PLXNA4: variants seen among roughly 807,000 people sequenced by gnomAD.
The protein encoded by PLXNA4 is plexin A4.
In PLXNA4, 44 loss-of-function variants were observed where a neutral mutation model predicts 191.8. That is an observed-to-expected ratio of 0.23 (90% CI 0.18 to 0.29). PLXNA4 has a LOEUF of 0.29. PLXNA4 is among the 10% of genes least tolerant of loss of function. The pLI is 1.00. For synonymous variants in PLXNA4, 1,082 were observed against 1,009.5 expected, an observed-to-expected ratio of 1.07 and a Z score of -1.36; for missense variants, 1,800 against 2,488.8, an observed-to-expected ratio of 0.72 and a Z score of 5.89.
chr7:132,180,052 G>C, intron 19 of PLXNA4, 131 bp from the exon 20 acceptor site: 1 of 1,421,668 alleles, frequency 7.0e-7, no homozygotes, highest in East Asian at 2.5e-5. Flanking sequence ...TGTCAAAATA[G>C]ACAAGAGGGC....
chr7:132,211,261 G>T, intron 9 of PLXNA4, 118 bp from the exon 10 acceptor site: 1 of 1,066,636 alleles, frequency 9.4e-7, no homozygotes, highest in Non-Finnish European at 1.3e-6. Flanking sequence ...ACCCACAGGC[G>T]ACCCCTGAGG....
intron 20 of PLXNA4, among the ~76,000 whole-genome samples, chr7:132,176,395 C>T (rs1218753050): frequency 6.6e-6 from 1 of 152,162 alleles, no homozygotes; most frequent in Non-Finnish European, 1.5e-5. Context: ...ACCAAAAGCC[C>T]TGGGGAACAT....
At chr7:132,200,807 T>A (rs1797409560) in intron 12 of PLXNA4, among the ~76,000 whole-genome samples, 1 of 152,218 alleles carries the variant, frequency 6.6e-6, no homozygotes, top group Non-Finnish European at 1.5e-5. Context: ...AGGAGAACAT[T>A]ACTCAGGAGA....
chr7:132,365,368 C>T (rs909747783), intron 3 of PLXNA4, among the ~76,000 whole-genome samples: 4 of 130,952 alleles, frequency 3.1e-5, no homozygotes, highest in South Asian at 2.5e-4. Flanking sequence ...TGTGCGTGCG[C>T]GCGCATGCAT....
intron 1 of PLXNA4, among the ~76,000 whole-genome samples, chr7:132,574,241 TG>T (rs1163673034): frequency 6.6e-6 from 1 of 151,678 alleles, no homozygotes; most frequent in Admixed American, 6.6e-5. Flanking sequence ...GAGAAAGGAG[TG>T]GAGGTCTACA....
chr7:132,224,782 C>T (rs945762344), intron 8 of PLXNA4, among the ~76,000 whole-genome samples: 17 of 152,104 alleles, frequency 1.1e-4, no homozygotes, highest in South Asian at 6.2e-4. Context: ...CTGGGAGGGC[C>T]GGATGCCTTC....
Position 132,508,872 on chromosome 7 carries a change from A to T in PLXNA4, c.-86-93T>A. The stretch of plus-strand genomic sequence containing the variant: ...TGCCTGGACTTTCAAAATGTTCTGC[A>T]CACACTGAGCAGAACTGCACTGGGG... On this transcript the variant is annotated intron_variant, in intron 1 of 31. Coordinates refer to ENST00000321063, the MANE Select transcript of PLXNA4 (RefSeq NM_020911.2). The surrounding 1 kb of genome is among the most constrained non-coding windows in gnomAD (Gnocchi z 4.4). 4.0e-6 allele frequency: 5 copies of T among 1,248,988 alleles called. No individual in the cohort carries two copies. Among genetic ancestry groups the T allele is most frequent in the Non-Finnish European group, 5.4e-6 (5 of 932,994 alleles). 77.4% of individuals were successfully genotyped at this position (1,248,988 alleles called of 1,614,324 possible).
chr7:132,370,537 T>A (rs1395777897), intron 3 of PLXNA4, among the ~76,000 whole-genome samples: 1 of 152,200 alleles, frequency 6.6e-6, no homozygotes, highest in Admixed American at 6.5e-5. Context: ...TACATAAAAA[T>A]ATCCTTTATC....
intron 2 of PLXNA4, among the ~76,000 whole-genome samples, chr7:132,589,833 A>C (rs1802572976): frequency 6.6e-6 from 1 of 152,208 alleles, no homozygotes; most frequent in African/African-American, 2.4e-5. Context: ...TGCTAGGAAC[A>C]ACTTCCTTGA....
chr7:132,149,573 A>G (rs957139263), intron 25 of PLXNA4, among the ~76,000 whole-genome samples: 1 of 152,220 alleles, frequency 6.6e-6, no homozygotes, highest in African/African-American at 2.4e-5. Flanking sequence ...GACATATACC[A>G]GAAAGGAAAA....
intron 3 of PLXNA4, among the ~76,000 whole-genome samples, chr7:132,425,863 C>T (rs1435350781): frequency 6.6e-6 from 1 of 152,184 alleles, no homozygotes; most frequent in African/African-American, 2.4e-5. Flanking sequence ...GAACATGGTG[C>T]CTCCCTCAGA....
chr7:132,279,001 C>A (rs1250744736), intron 4 of PLXNA4, among the ~76,000 whole-genome samples: 1 of 152,196 alleles, frequency 6.6e-6, no homozygotes, highest in Non-Finnish European at 1.5e-5. Context: ...GTGTCTCTTG[C>A]AAACTGCAGG....
chr7:132,203,575 TATGCAC>T (rs1296500894), intron 10 of PLXNA4, among the ~76,000 whole-genome samples, 156 bp from the exon 11 acceptor site: 1 of 152,196 alleles, frequency 6.6e-6, no homozygotes, highest in Non-Finnish European at 1.5e-5. Flanking sequence ...TGCATACAAG[TATGCAC>T]ATGCACATGT....
chr7:132,582,103 G>C (rs1802412249), upstream of PLXNA4, among the ~76,000 whole-genome samples: 1 of 152,084 alleles, frequency 6.6e-6, no homozygotes, highest in Admixed American at 6.5e-5. Flanking sequence ...GTCCTGGGAG[G>C]CACAAGGTCC....
At position 132,576,300 on chromosome 7, in the gene PLXNA4, C is replaced by T. The variant is rs1300653792; in HGVS notation, c.-87+122G>A. On this transcript the variant is annotated intron_variant, in intron 1 of 31. Coordinates refer to ENST00000321063, the MANE Select transcript of PLXNA4 (RefSeq NM_020911.2). The surrounding 1 kb of genome is among the most constrained non-coding windows in gnomAD (Gnocchi z 5.8). ...ATCTGTGTGTGTGCCTGCGTGTGTG[C>T]GTGTGCGTGTGCCGCGGGCTGGCTC... is the stretch of plus-strand genomic sequence containing the variant. The T allele has an allele frequency of 1.0e-5, 7 of 687,594 alleles. No homozygotes were observed. Among genetic ancestry groups the T allele is most frequent in the East Asian group, 1.4e-4 (1 of 7,306 alleles). 42.6% of individuals were successfully genotyped at this position (687,594 alleles called of 1,614,324 possible). A position where few individuals can be genotyped will look rare whatever the true frequency, so the allele number is the denominator to read the frequency against.
At chr7:132,259,024 T>C (rs1584911273) in intron 4 of PLXNA4, among the ~76,000 whole-genome samples, 1 of 152,188 alleles carries the variant, frequency 6.6e-6, no homozygotes, top group Admixed American at 6.5e-5. Flanking sequence ...TGTGCCACGG[T>C]AATCTAATCA....
At chr7:132,586,586 A>T (rs1487943815) in intron 2 of PLXNA4, among the ~76,000 whole-genome samples, 1 of 152,134 alleles carries the variant, frequency 6.6e-6, no homozygotes. Flanking sequence ...CCCCTTCTGT[A>T]CTAAAAATAC....
chr7:132,515,516 A>C (rs978582931), intron 1 of PLXNA4, among the ~76,000 whole-genome samples: 1 of 152,050 alleles, frequency 6.6e-6, no homozygotes, highest in Non-Finnish European at 1.5e-5. Context: ...CTAATACACT[A>C]TTTTTCCATG....
intron 9 of PLXNA4, among the ~76,000 whole-genome samples, chr7:132,211,654 G>A (rs1386586565): frequency 3.3e-5 from 5 of 152,220 alleles, no homozygotes; most frequent in African/African-American, 1.2e-4. Context: ...CCCTAAATGG[G>A]CTGAATCTGA....
Sources: gnomAD v4.1 joint callset for allele counts (sites outside exome capture counted in the v4.1 genomes callset) on GRCh38, gnomAD v4.1.1 for gene constraint, Gnocchi (gnomAD v3.1) non-coding constraint, MANE v1.5 for transcripts, NCBI Gene and HGNC (gene_info 2026-07-23, HGNC 2026-07-21) for gene names.